PON1: variants seen among roughly 807,000 people sequenced by gnomAD.
PON1 encodes serum paraoxonase/arylesterase 1.
Under a neutral mutation model 39.2 loss-of-function variants are expected in PON1, and 37 were observed. The observed-to-expected ratio is 0.94, with a 90% CI of 0.73 to 1.24. The LOEUF (loss-of-function observed/expected upper bound fraction) is 1.24. PON1 is among the 50% of genes most tolerant of loss of function. PON1 has a pLI of 0.00. For synonymous variants in PON1, 148 were observed against 152.2 expected (o/e 0.97, Z 0.21); for missense variants, 397 against 413.5 (o/e 0.96, Z 0.35).
intron 6 of PON1, among the ~76,000 whole-genome samples, chr7:95,306,932 A>G (rs1383042791): frequency 6.6e-6 from 1 of 152,170 alleles, no homozygotes; most frequent in Non-Finnish European, 1.5e-5. Flanking sequence ...AACAAAAAAA[A>G]GAAATTACTG....
At chr7:95,313,082 G>A (rs1807690431) in intron 4 of PON1, among the ~76,000 whole-genome samples, 1 of 152,202 alleles carries the variant, frequency 6.6e-6, no homozygotes, top group Non-Finnish European at 1.5e-5. Flanking sequence ...GGATGCCACT[G>A]GCAATAAAAG....
chr7:95,312,840 C>A (rs1807685587), intron 4 of PON1, among the ~76,000 whole-genome samples: 1 of 151,930 alleles, frequency 6.6e-6, no homozygotes, highest in African/African-American at 2.4e-5. Context: ...GGCCCCGGGG[C>A]AGAACTTCCT....
At chr7:95,307,682 A>C (rs1042563910) in intron 6 of PON1, among the ~76,000 whole-genome samples, 1 of 152,184 alleles carries the variant, frequency 6.6e-6, no homozygotes, top group Non-Finnish European at 1.5e-5. Flanking sequence ...CTACTGACGT[A>C]TCTATACCTG....
intron 6 of PON1, 126 bp from the exon 7 acceptor site, chr7:95,306,492 A>G: frequency 2.7e-6 from 2 of 734,276 alleles, no homozygotes; most frequent in Non-Finnish European, 4.9e-6. Flanking sequence ...AACCCACCTC[A>G]AACACACCAA....
chr7:95,307,894 T>C (rs1807573858), intron 6 of PON1, 117 bp downstream of exon 6: 1 of 1,060,628 alleles, frequency 9.4e-7, no homozygotes, highest in African/African-American at 1.6e-5. Flanking sequence ...TTTTTCCTAA[T>C]TTTATCTCAC....
Position 95,316,792 on chromosome 7 carries a change from GC to G in PON1, c.146-4del. 1 of 1,611,612 alleles carries G rather than the reference GC, an allele frequency of 6.2e-7. No individual in the cohort carries two copies. The highest frequency in any genetic ancestry group is 8.5e-7 in the Non-Finnish European group (1 of 1,177,750). On this transcript the variant is annotated splice_region_variant and splice_polypyrimidine_tract_variant and intron_variant, in intron 2 of 8. Coordinates refer to ENST00000222381, the MANE Select transcript of PON1 (RefSeq NM_000446.7). ...CTCCAAGTCTTCAGAGCCAGTTTCT[GC>G]CAGAAAAGAGAACAGAAAGTACAGG... is the stretch of plus-strand genomic sequence containing the variant.
At chr7:95,300,285 TG>T (rs1328338229) in intron 8 of PON1, among the ~76,000 whole-genome samples, 1 of 152,236 alleles carries the variant, frequency 6.6e-6, no homozygotes, top group Non-Finnish European at 1.5e-5. Flanking sequence ...CACTCACATT[TG>T]TTTCTCATCT....
intron 2 of PON1, among the ~76,000 whole-genome samples, chr7:95,317,592 A>G (rs1377208817): frequency 2.8e-4 from 21 of 74,216 alleles, no homozygotes; most frequent in Admixed American, 6.3e-4. Flanking sequence ...AAAAAAAAAA[A>G]AGAAAGAAAA....
chr7:95,312,586 C>T (rs1193053801), intron 4 of PON1, among the ~76,000 whole-genome samples: 2 of 152,230 alleles, frequency 1.3e-5, no homozygotes, highest in Non-Finnish European at 2.9e-5. Flanking sequence ...GGGAGTCAGG[C>T]ATGTTCTCTC....
intron 2 of PON1, among the ~76,000 whole-genome samples, chr7:95,318,085 CTTTTTTTT>C (rs11343146): frequency 7.6e-6 from 1 of 131,172 alleles, no homozygotes; most frequent in African/African-American, 2.8e-5. Context: ...TTCTTTTTTT[CTTTTTTTT>C]TTTTTTGCTC....
At chr7:95,322,330 ATGTGTGTGTG>A (rs3046670) in intron 1 of PON1, among the ~76,000 whole-genome samples, 1 of 124,896 alleles carries the variant, frequency 8.0e-6, no homozygotes, top group Non-Finnish European at 1.7e-5. Context: ...AAATATATGT[ATGTGTGTGTG>A]TGTGTGTGTG....
At chr7:95,321,453 C>T (rs3917481) in intron 1 of PON1, among the ~76,000 whole-genome samples, 5,691 of 152,318 alleles carry the variant, frequency 0.037, 177 homozygotes, top group African/African-American at 0.081. Flanking sequence ...TGCTACTACA[C>T]ACGCCTCATT....
chr7:95,306,974 C>G (rs879572414), intron 6 of PON1, among the ~76,000 whole-genome samples: 5 of 151,874 alleles, frequency 3.3e-5, no homozygotes, highest in Non-Finnish European at 7.4e-5. Flanking sequence ...GAAAACTGGT[C>G]TATGATATGA....
rs867001089 is a variant in PON1 at position 95,313,628 on chromosome 7, G to A, written c.370+1694C>T. Among the ~76,000 whole-genome samples the A allele has an allele frequency of 1.2e-3, 184 of 151,340 alleles. No individual in the cohort carries two copies. In the Middle Eastern group the frequency reaches 0.017, roughly 14 times the overall value. Reference sequence around the variant, plus strand: ...GGGATATATATGTATATGTGTGTGTGTGTGTGTGTGTGTGTGTGTGTGTGT... The same window carrying A: ...GGGATATATATGTATATGTGTGTGTATGTGTGTGTGTGTGTGTGTGTGTGT... On this transcript the variant is annotated intron_variant, in intron 4 of 8. Transcript: ENST00000222381.
At position 95,308,135 on chromosome 7, in the gene PON1, G is replaced by GT; in HGVS notation, c.573dup (p.Gln192ThrfsTer18). On this transcript the variant is annotated frameshift_variant, in exon 6 of 9. Transcript: ENST00000222381. LOFTEE classifies it high-confidence loss of function. The stretch of plus-strand genomic sequence containing the variant: ...AAACCCAAATACATCTCCCAGGATT[G>GT]TAAGTAGGGGTCAAGAAAATAGTGA... The GT allele has an allele frequency of 6.2e-7, 1 of 1,614,072 alleles. No homozygotes were observed.
rs373816638 is a variant in PON1 at position 95,321,401 on chromosome 7, A to G, written c.74+3001T>C. 5.7e-4 allele frequency among the ~76,000 whole-genome samples: 87 copies of G among 152,322 alleles called. 1 individual carries two copies. The highest frequency in any genetic ancestry group is 2.5e-3 in the Admixed American group (38 of 15,302). On this transcript the variant is annotated intron_variant, in intron 1 of 8. Transcript: ENST00000222381. ...ATTAAGAAATCCGTATCGATTCTCA[A>G]ACTCTTCTTGGGGCCAAATTCACTC...
chr7:95,299,934 GAACT>G (rs1310449080), intron 8 of PON1, among the ~76,000 whole-genome samples: 1 of 152,074 alleles, frequency 6.6e-6, no homozygotes, highest in African/African-American at 2.4e-5. Flanking sequence ...GTAAGCCAGG[GAACT>G]AACTGGATGT....
intron 1 of PON1, among the ~76,000 whole-genome samples, chr7:95,319,260 C>A (rs930624574): frequency 6.6e-6 from 1 of 151,058 alleles, no homozygotes; most frequent in African/African-American, 2.4e-5. Flanking sequence ...CTCCTGATGA[C>A]TTGAACTCAC....
At chr7:95,308,755 T>C (rs928292420) in intron 5 of PON1, among the ~76,000 whole-genome samples, 4 of 152,172 alleles carry the variant, frequency 2.6e-5, no homozygotes, top group African/African-American at 9.7e-5. Context: ...AGTTTTCTTA[T>C]CTGTGAAAGC....
Sources: allele counts gnomAD v4.1 joint callset (sites outside exome capture counted in the v4.1 genomes callset), GRCh38; gene constraint gnomAD v4.1.1; transcripts MANE v1.5; gene names NCBI Gene and HGNC (gene_info 2026-07-23, HGNC 2026-07-21).